Variants in PRLR observed in about 807,000 individuals in gnomAD.
The protein encoded by PRLR is hPRL receptor.
A neutral mutation model predicts 40.2 loss-of-function variants in PRLR; 13 were observed. The ratio of observed to expected loss-of-function variants is 0.32; its 90% CI spans 0.21 to 0.51. The LOEUF (loss-of-function observed/expected upper bound fraction) is 0.51, where lower values mean the gene tolerates loss of function less well. PRLR is among the 20% of genes least tolerant of loss of function. PRLR has a pLI of 0.97. For missense variants in PRLR, 656 were observed against 747.3 expected, an observed-to-expected ratio of 0.88 and a Z score of 1.42; for synonymous variants, 269 against 278.7, an observed-to-expected ratio of 0.97 and a Z score of 0.35.
intron 1 of PRLR, among the ~76,000 whole-genome samples, chr5:35,223,751 G>A (rs1309122041): frequency 1.3e-5 from 2 of 152,142 alleles, no homozygotes; most frequent in African/African-American, 4.8e-5. Flanking sequence ...GGTCTTTTAT[G>A]TTTCTGTCCA....
intron 2 of PRLR, among the ~76,000 whole-genome samples, chr5:35,092,732 G>A (rs1217107231): frequency 6.6e-6 from 1 of 152,110 alleles, no homozygotes; most frequent in Non-Finnish European, 1.5e-5. Context: ...CAAAAAGTCA[G>A]CCCCACACAT....
chr5:35,074,800 T>TA (rs879660476), intron 5 of PRLR, among the ~76,000 whole-genome samples: 12 of 149,374 alleles, frequency 8.0e-5, no homozygotes, highest in East Asian at 3.9e-4. Flanking sequence ...TGGCAAGAAT[T>TA]AAAAAAAAAA....
chr5:35,189,466 A>G (rs112467334), intron 1 of PRLR, among the ~76,000 whole-genome samples: 11 of 152,064 alleles, frequency 7.2e-5, no homozygotes, highest in Non-Finnish European at 1.0e-4. Context: ...CTGTATTCCC[A>G]GCTACTAGGG....
intron 1 of PRLR, among the ~76,000 whole-genome samples, chr5:35,137,518 G>T (rs1300338125): frequency 3.3e-5 from 5 of 152,154 alleles, no homozygotes; most frequent in Non-Finnish European, 7.4e-5. Context: ...CAGTAAGAAA[G>T]TTCCTGTCTT....
downstream of PRLR, among the ~76,000 whole-genome samples, chr5:35,054,298 C>T (rs1020109869): frequency 2.0e-5 from 3 of 152,210 alleles, no homozygotes; most frequent in South Asian, 2.1e-4. Flanking sequence ...CCCAACAATT[C>T]CACCTCTAGG....
intron 5 of PRLR, among the ~76,000 whole-genome samples, chr5:35,075,623 T>G (rs1246250090): frequency 2.0e-5 from 3 of 152,158 alleles, no homozygotes; most frequent in African/African-American, 7.2e-5. Context: ...AGAGAATAGC[T>G]GAACAAAAGG....
chr5:35,116,964 T>C (rs1256361368), intron 2 of PRLR, among the ~76,000 whole-genome samples: 1 of 152,220 alleles, frequency 6.6e-6, no homozygotes, highest in Non-Finnish European at 1.5e-5. Flanking sequence ...CATTATTTTA[T>C]TGTTACTTCT....
chr5:35,177,111 C>A (rs571852052), intron 1 of PRLR, among the ~76,000 whole-genome samples: 28 of 152,164 alleles, frequency 1.8e-4, no homozygotes, highest in Non-Finnish European at 2.5e-4. Flanking sequence ...TGTCTGCTGA[C>A]CCTCTCCCCA....
intron 5 of PRLR, among the ~76,000 whole-genome samples, chr5:35,075,856 A>G (rs148194997): frequency 0.033 from 5,032 of 152,328 alleles, 292 homozygotes; most frequent in African/African-American, 0.12. Context: ...AGGAAGGATC[A>G]GGCAGCAACA....
Position 35,118,084 on chromosome 5 carries a change from T to A in PRLR, c.-67A>T. 2 of 985,688 alleles carry A rather than the reference T, an allele frequency of 2.0e-6. No homozygotes were observed. The highest frequency in any genetic ancestry group is 2.4e-6 in the Non-Finnish European group (2 of 829,816). The allele number at this position is 985,688 out of a possible 1,614,324, so 61.1% of individuals were successfully genotyped here. A position where few individuals can be genotyped will look rare whatever the true frequency, so the allele number is the denominator to read the frequency against. On this transcript the variant is annotated 5_prime_UTR_variant, in exon 2 of 10. The change abolishes an upstream ATG in the 5' untranslated region. Coordinates refer to ENST00000618457, the MANE Select transcript of PRLR (RefSeq NM_000949.7). ...ACCTTCAGGGTTCATGTGGAAAGCA[T>A]CCTCAGTGTTCGCCTCCATGAATAG...
chr5:35,188,086 TCTC>T (rs1775495828), intron 1 of PRLR, among the ~76,000 whole-genome samples: 1 of 152,160 alleles, frequency 6.6e-6, no homozygotes, highest in Non-Finnish European at 1.5e-5. Flanking sequence ...GTCTCCTTAA[TCTC>T]CTGCTACTGC....
At chr5:35,225,396 G>A (rs775282329) in intron 1 of PRLR, among the ~76,000 whole-genome samples, 2 of 152,130 alleles carry the variant, frequency 1.3e-5, no homozygotes, top group Non-Finnish European at 2.9e-5. Context: ...CCAAATAACT[G>A]AATATGGGGG....
In PRLR at chr5:35,142,344, C is replaced by A. The variant is rs963143760; in HGVS notation, c.-105-24222G>T. On this transcript the variant is annotated intron_variant, in intron 1 of 9. Transcript: ENST00000618457. ...CCGGGATTTTTGTGGAATCACCTGG[C>A]GATTTTAGATGGGGATGCTGAAGTT... Among the ~76,000 whole-genome samples the A allele has an allele frequency of 3.3e-5, 5 of 151,992 alleles. No homozygotes were observed. In the South Asian group the frequency reaches 1.0e-3, roughly 32 times the overall value.
At chr5:35,204,052 T>C (rs1314262475) in intron 1 of PRLR, among the ~76,000 whole-genome samples, 1 of 152,088 alleles carries the variant, frequency 6.6e-6, no homozygotes, top group African/African-American at 2.4e-5. Context: ...GGGAGGGACA[T>C]GTGTGTTTCT....
intron 1 of PRLR, among the ~76,000 whole-genome samples, chr5:35,171,386 A>C (rs1774992619): frequency 6.6e-6 from 1 of 152,188 alleles, no homozygotes; most frequent in Non-Finnish European, 1.5e-5. Context: ...CCTGCCCAGC[A>C]AGTTGTGAGC....
intron 1 of PRLR, among the ~76,000 whole-genome samples, chr5:35,201,707 T>C (rs1263539994): frequency 6.6e-6 from 1 of 152,150 alleles, no homozygotes; most frequent in African/African-American, 2.4e-5. Flanking sequence ...TTCTCTTCTC[T>C]TCTCTTCTCC....
intron 1 of PRLR, among the ~76,000 whole-genome samples, chr5:35,179,277 G>A (rs752194838): frequency 3.9e-5 from 6 of 152,190 alleles, no homozygotes; most frequent in Admixed American, 6.5e-5. Context: ...TATTTGCCAC[G>A]CGAAGCCTTG....
At chr5:35,151,642 C>A (rs952061180) in intron 1 of PRLR, among the ~76,000 whole-genome samples, 1 of 152,116 alleles carries the variant, frequency 6.6e-6, no homozygotes, top group Non-Finnish European at 1.5e-5. Context: ...TCTCTGCATG[C>A]TCCCTCTCAG....
Position 35,076,837 on chromosome 5 carries a change from A to T in PRLR, c.374-4093T>A, listed in dbSNP as rs533462407. ...ACAAAGGGAAGCCCATCAGACTAAC[A>T]GTGGATCTCTTGGCAGAAACTCTAA... On this transcript the variant is annotated intron_variant, in intron 5 of 9. Coordinates refer to ENST00000618457, the MANE Select transcript of PRLR (RefSeq NM_000949.7). Among the ~76,000 whole-genome samples, 8 of 152,380 alleles carry T rather than the reference A, an allele frequency of 5.3e-5. No homozygotes were observed. The East Asian group carries it at 1.5e-3, about 29-fold the overall frequency.
Sources: allele counts gnomAD v4.1 joint callset (sites outside exome capture counted in the v4.1 genomes callset), GRCh38; gene constraint gnomAD v4.1.1; transcripts MANE v1.5; gene names NCBI Gene and HGNC (gene_info 2026-07-23, HGNC 2026-07-21).